The following EML2 variants were observed in gnomAD, a reference collection of about 807,000 sequenced individuals.
The protein encoded by EML2 is echinoderm microtubule-associated protein-like 2.
EML2 carries 59 observed loss-of-function variants against 84.7 expected under a neutral mutation model. The observed-to-expected ratio is 0.70, with a 90% CI of 0.56 to 0.86. EML2 has a LOEUF of 0.86. Ranked by LOEUF, EML2 falls within the 40% of genes least tolerant of loss-of-function variation. The probability of loss-of-function intolerance (pLI) is 0.00; values close to 1 mark genes in which losing one functional copy is unlikely to be tolerated. For missense variants in EML2, 818 were observed against 855.6 expected (o/e 0.96, Z 0.55); for synonymous variants, 352 against 348.9 (o/e 1.01, Z -0.10).
At chr19:45,642,176 GGGT>G, upstream of EML2, 1 of 1,530,216 alleles carries the variant, frequency 6.5e-7, no homozygotes, top group Non-Finnish European at 8.7e-7. Flanking sequence ...CGGCCCTTGG[GGGT>G]GCCCCGCGCG....
chr19:45,636,268 C>A (rs1037659474), intron 3 of EML2, among the ~76,000 whole-genome samples: 8 of 152,150 alleles, frequency 5.3e-5, no homozygotes, highest in African/African-American at 1.9e-4. Flanking sequence ...GCCAATGCAC[C>A]CAGCCTGCCT....
At chr19:45,641,636 C>T (rs1974516642), upstream of EML2, 1 of 1,535,960 alleles carries the variant, frequency 6.5e-7, no homozygotes, top group Non-Finnish European at 8.7e-7. Flanking sequence ...CGCCCCAGTC[C>T]TTACCCTTCC....
intron 3 of EML2, among the ~76,000 whole-genome samples, chr19:45,634,963 G>C (rs754855416): frequency 6.6e-6 from 1 of 152,024 alleles, no homozygotes; most frequent in Non-Finnish European, 1.5e-5. Context: ...CGATTCCCCT[G>C]CCTCAGCCTC....
upstream of EML2, among the ~76,000 whole-genome samples, chr19:45,639,795 A>G (rs565526794): frequency 2.5e-4 from 38 of 152,084 alleles, no homozygotes; most frequent in African/African-American, 8.4e-4. Flanking sequence ...GGAGTTCAAG[A>G]CCAGCCTGGC....
upstream of EML2, chr19:45,641,492 T>C (rs148727312): frequency 4.2e-4 from 305 of 717,750 alleles, no homozygotes; most frequent in African/African-American, 4.7e-3. Context: ...CACCTCAAGA[T>C]TGGTCCCTCC....
At chr19:45,633,656 T>C (rs1227721332) in intron 4 of EML2, among the ~76,000 whole-genome samples, 2 of 151,948 alleles carry the variant, frequency 1.3e-5, no homozygotes, top group African/African-American at 4.8e-5. Flanking sequence ...GGAGAATCGC[T>C]TGAACCCAGG....
chr19:45,617,186 C>T (rs1225158376), intron 13 of EML2, among the ~76,000 whole-genome samples: 2 of 151,506 alleles, frequency 1.3e-5, no homozygotes, highest in East Asian at 3.9e-4. Flanking sequence ...GCAGAGGTTG[C>T]AGTGAGCTGA....
upstream of EML2, chr19:45,642,414 C>T (rs1225600763): frequency 6.7e-7 from 1 of 1,493,534 alleles, no homozygotes; most frequent in Admixed American, 2.1e-5. Context: ...CAAGGGGTCC[C>T]TCCCGCCTTC....
Position 45,609,654 on chromosome 19 carries a change from C to T in EML2, c.*9G>A, listed in dbSNP as rs1481175843. 1.9e-6 allele frequency: 3 copies of T among 1,596,182 alleles called. No individual in the cohort carries two copies. The Admixed American group carries it at 5.5e-5, about 29-fold the overall frequency. On this transcript the variant is annotated 3_prime_UTR_variant, in exon 19 of 19. Transcript: ENST00000245925. ...TCCTGCCCTGACACCTGACTCTTCCCTGGCCGCATCAGACCACCCGCCACT... is the reference window on the plus strand; with the variant it reads ...TCCTGCCCTGACACCTGACTCTTCCTTGGCCGCATCAGACCACCCGCCACT...
intron 18 of EML2, among the ~76,000 whole-genome samples, chr19:45,612,257 G>C (rs758175460): frequency 1.4e-4 from 22 of 152,008 alleles, no homozygotes; most frequent in Non-Finnish European, 2.9e-4. Context: ...TAGAGTCAGG[G>C]TTTCACCATG....
At chr19:45,633,287 C>A (rs893420138) in intron 4 of EML2, 148 bp from the exon 5 acceptor site, 3 of 785,332 alleles carry the variant, frequency 3.8e-6, no homozygotes, top group Non-Finnish European at 6.3e-6. Context: ...GGATGCCCTC[C>A]GGGTGCGCTG....
intron 11 of EML2, among the ~76,000 whole-genome samples, chr19:45,620,087 A>AT (rs1971520200): frequency 6.6e-6 from 1 of 152,144 alleles, no homozygotes; most frequent in Admixed American, 6.6e-5. Flanking sequence ...TGTGGTCACA[A>AT]AATGGAAATG....
upstream of EML2, chr19:45,644,899 C>A: frequency 2.3e-6 from 1 of 430,870 alleles, no homozygotes; most frequent in Non-Finnish European, 4.7e-6. Flanking sequence ...CCCACCCCCT[C>A]TGTCTGTCCC....
chr19:45,638,600 G>T lies in EML2; in HGVS notation c.84C>A (p.Arg28=). Residue 28 remains arginine (R), a synonymous_variant, in exon 3 of 19, where the codon CGC becomes CGA. Transcript: ENST00000245925. Reference sequence around the variant, plus strand: ...CGTCTGGGATCATCATGGGCACAGGGCGGCCCCTCAGGAACATTTTCACGG... The same window carrying T: ...CGTCTGGGATCATCATGGGCACAGGTCGGCCCCTCAGGAACATTTTCACGG... ...DGSVKMFLRG[R]PVPMMIPDEL... is the part of the protein sequence containing the mutation. 6.2e-7 allele frequency: 1 copy of T among 1,614,054 alleles called. No homozygotes were observed. The highest frequency in any genetic ancestry group is 8.5e-7 in the Non-Finnish European group (1 of 1,180,040).
chr19:45,637,301 G>C (rs937356896), intron 3 of EML2, among the ~76,000 whole-genome samples: 1 of 152,070 alleles, frequency 6.6e-6, no homozygotes, highest in South Asian at 2.1e-4. Context: ...CAGGATTGTT[G>C]TCTCCTACCT....
At position 45,621,621 on chromosome 19, in the gene EML2, T is replaced by C. The variant is rs2122666581; in HGVS notation, c.858A>G (p.Thr286=). The C allele has an allele frequency of 6.2e-7, 1 of 1,608,400 alleles. No homozygotes were observed. The part of the protein sequence containing the change: ...YVWGKGGNRI[T]QAVLGAHDGG... ...CGTCGTGGGCGCCCAGCACCGCCTG[T>C]GTGATACGGTTCCCACCTGCAGGGT... The change falls in exon 10 of 19, where the codon ACA becomes ACG. Residue 286 remains threonine (T), a synonymous_variant. Coordinates refer to ENST00000245925, the MANE Select transcript of EML2 (RefSeq NM_012155.4).
chr19:45,621,084 GTC>G (rs1165990963), intron 11 of EML2, 121 bp downstream of exon 11: 2 of 1,413,628 alleles, frequency 1.4e-6, no homozygotes, highest in East Asian at 5.0e-5. Context: ...TCAGGGCCAG[GTC>G]AGAGAAGGGA....
chr19:45,619,961 G>A (rs1166984732), intron 11 of EML2, among the ~76,000 whole-genome samples: 1 of 152,050 alleles, frequency 6.6e-6, no homozygotes, highest in Non-Finnish European at 1.5e-5. Context: ...TGAGGCAGGA[G>A]GATCCCTTGA....
upstream of EML2, among the ~76,000 whole-genome samples, chr19:45,643,979 A>T (rs570951639): frequency 7.2e-5 from 11 of 152,290 alleles, no homozygotes; most frequent in African/African-American, 2.6e-4. Flanking sequence ...GTGTGCAGAG[A>T]CACGCCAAAG....
Sources: gnomAD v4.1 joint callset for allele counts (sites outside exome capture counted in the v4.1 genomes callset) on GRCh38, gnomAD v4.1.1 for gene constraint, MANE v1.5 for transcripts, NCBI Gene and HGNC (gene_info 2026-07-23, HGNC 2026-07-21) for gene names.